CKAP5: variants seen among roughly 807,000 people sequenced by gnomAD.
CKAP5 encodes cytoskeleton-associated protein 5.
In CKAP5, 27 loss-of-function variants were observed where a neutral mutation model predicts 232.8. The ratio of observed to expected loss-of-function variants is 0.12; its 90% confidence interval spans 0.09 to 0.16. The LOEUF (loss-of-function observed/expected upper bound fraction) is 0.16. CKAP5 is among the 10% of genes least tolerant of loss of function. The pLI is 1.00. For missense variants in CKAP5, 1,838 were observed against 2,424.7 expected, an observed-to-expected ratio of 0.76 and a Z score of 5.08; for synonymous variants, 785 against 841.1, an observed-to-expected ratio of 0.93 and a Z score of 1.16.
chr11:46,757,950 CA>C (rs1267778687), intron 35 of CKAP5, among the ~76,000 whole-genome samples: 1 of 148,402 alleles, frequency 6.7e-6, no homozygotes, highest in African/African-American at 2.5e-5. Flanking sequence ...TATAGTGGTG[CA>C]ATCACAGCTC....
At chr11:46,791,098 G>T (rs1176059940) in intron 13 of CKAP5, among the ~76,000 whole-genome samples, 1 of 152,022 alleles carries the variant, frequency 6.6e-6, no homozygotes, top group Non-Finnish European at 1.5e-5. Flanking sequence ...ACCACCCATG[G>T]GGTAATCTGT....
chr11:46,773,764 C>T (rs778758627), intron 24 of CKAP5, among the ~76,000 whole-genome samples: 15 of 151,286 alleles, frequency 9.9e-5, no homozygotes, highest in Non-Finnish European at 1.9e-4. Flanking sequence ...GGCTGGTCTC[C>T]AACCCCTGAT....
At position 46,759,447 on chromosome 11, in the gene CKAP5, G is replaced by C. The variant is rs575568530; in HGVS notation, c.4395-5C>G. The C allele has an allele frequency of 7.7e-5, 124 of 1,609,520 alleles. 1 individual carries two copies. The South Asian group carries it at 1.3e-3, about 17-fold the overall frequency. ...CCACTCATGCTTCGGGCTTGGCTAA[G>C]GGAAGCAAAAGGAGGCTCCTGAACT... On this transcript the variant is annotated splice_polypyrimidine_tract_variant and splice_region_variant and intron_variant, in intron 33 of 43. Coordinates refer to ENST00000529230, the MANE Select transcript of CKAP5 (RefSeq NM_001008938.4).
rs761216712 is a variant in CKAP5 at position 46,755,071 on chromosome 11, A to T, written c.4690-4T>A. The T allele has an allele frequency of 3.1e-6, 5 of 1,588,084 alleles. No homozygotes were observed. Among genetic ancestry groups the T allele is most frequent in the East Asian group, 4.5e-5 (2 of 44,142 alleles). ...CCTGTCTCAGGACCTCATCGATCTGATAACAAAAATTTCAAGATATATTTT... is the reference window on the plus strand; with the variant it reads ...CCTGTCTCAGGACCTCATCGATCTGTTAACAAAAATTTCAAGATATATTTT... On this transcript the variant is annotated splice_region_variant and splice_polypyrimidine_tract_variant and intron_variant, in intron 35 of 43. Transcript: ENST00000529230.
chr11:46,790,614 C>A (rs1938697287), intron 13 of CKAP5, 31 bp from the exon 14 acceptor site: 1 of 1,446,638 alleles, frequency 6.9e-7, no homozygotes, highest in Non-Finnish European at 9.6e-7. Flanking sequence ...AAAAATTAAA[C>A]CACCTAAGGA....
At chr11:46,826,486 A>G (rs1939654698) in intron 1 of CKAP5, among the ~76,000 whole-genome samples, 1 of 152,154 alleles carries the variant, frequency 6.6e-6, no homozygotes, top group Non-Finnish European at 1.5e-5. Context: ...CTCTGGTAAA[A>G]GCAACCCTCT....
rs1488439763 is a variant in CKAP5, at chr11:46,801,052, T to C, written c.1083+148A>G. ...TACTGAAATTTCTAAGATATATCTA[T>C]GCTGAATATTAACAAAACAGAGAGA... On this transcript the variant is annotated intron_variant, in intron 9 of 43. Transcript: ENST00000529230. The C allele has an allele frequency of 9.5e-6, 5 of 525,176 alleles. No individual in the cohort carries two copies. In the East Asian group the frequency reaches 1.2e-4, roughly 13 times the overall value. 32.5% of individuals were successfully genotyped at this position (525,176 alleles called of 1,614,324 possible). A position where few individuals can be genotyped will look rare whatever the true frequency, so the allele number is the denominator to read the frequency against.
intron 38 of CKAP5, among the ~76,000 whole-genome samples, chr11:46,752,189 T>TAC (rs1167247937): frequency 5.6e-4 from 36 of 64,336 alleles, no homozygotes; most frequent in African/African-American, 1.2e-3. Flanking sequence ...TATATATATA[T>TAC]ATATACACAC....
chr11:46,763,780 G>A, intron 28 of CKAP5, 150 bp from the exon 29 acceptor site: 1 of 517,942 alleles, frequency 1.9e-6, no homozygotes, highest in Non-Finnish European at 3.1e-6. Flanking sequence ...ATTTCAAGGT[G>A]TCATACTTCT....
intron 1 of CKAP5, among the ~76,000 whole-genome samples, chr11:46,831,956 C>T (rs967691930): frequency 4.0e-5 from 6 of 150,970 alleles, no homozygotes; most frequent in Admixed American, 1.3e-4. Context: ...CCTCGACTTC[C>T]GGGGCTCTGG....
In CKAP5 at chr11:46,840,270, A is replaced by T. The variant is rs186621855; in HGVS notation, c.-38+5950T>A. Among the ~76,000 whole-genome samples the T allele has an allele frequency of 2.0e-5, 3 of 152,272 alleles. No individual in the cohort carries two copies. In the East Asian group the frequency reaches 5.8e-4, roughly 29 times the overall value. The stretch of plus-strand genomic sequence containing the variant: ...CCCCAGAGGGATTACAGAAACTATA[A>T]TTTGCTACAGTAAATTGTTTGACAG... On this transcript the variant is annotated intron_variant, in intron 1 of 43. Coordinates refer to ENST00000529230, the MANE Select transcript of CKAP5 (RefSeq NM_001008938.4).
At chr11:46,817,198 T>G (rs1393117130) in intron 3 of CKAP5, among the ~76,000 whole-genome samples, 1 of 151,706 alleles carries the variant, frequency 6.6e-6, no homozygotes, top group Non-Finnish European at 1.5e-5. Context: ...CACTGTGACC[T>G]CAAACTCCTG....
intron 17 of CKAP5, 48 bp from the exon 18 acceptor site, chr11:46,783,416 T>C (rs1851496761): frequency 2.6e-6 from 3 of 1,158,356 alleles, no homozygotes; most frequent in East Asian, 2.4e-5. Flanking sequence ...GTATTTCTTA[T>C]AGAAATACAG....
chr11:46,762,006 A>C lies in CKAP5; in HGVS notation c.4215T>G (p.Ile1405Met). ...GTTCAGAGAAGTCACTCACATTTCC[A>C]ATCAGTTTGAACACCTGATCCCCAT... is the stretch of plus-strand genomic sequence containing the variant. ...NVHGDQVFKL[I>M]GNLSEKDMSM... is the part of the protein sequence containing the mutation. Residue 1405 changes from isoleucine (I) to methionine (M), a missense_variant, in exon 32 of 44, where the codon ATT becomes ATG. Transcript: ENST00000529230. The C allele has an allele frequency of 1.2e-6, 2 of 1,608,524 alleles. No homozygotes were observed. The highest frequency in any genetic ancestry group is 1.7e-6 in the Non-Finnish European group (2 of 1,176,302).
At chr11:46,789,953 A>C (rs1443555929) in intron 15 of CKAP5, 123 bp downstream of exon 15, 3 of 595,190 alleles carry the variant, frequency 5.0e-6, no homozygotes, top group Non-Finnish European at 9.0e-6. Context: ...CTCATCTTTA[A>C]TGCCATAAAA....
At chr11:46,834,170 T>C (rs1447308652) in intron 1 of CKAP5, among the ~76,000 whole-genome samples, 1 of 152,066 alleles carries the variant, frequency 6.6e-6, no homozygotes, top group African/African-American at 2.4e-5. Context: ...CATTGAGAGA[T>C]TTTAGGTTGA....
chr11:46,781,795 G>T, intron 18 of CKAP5, among the ~76,000 whole-genome samples: 2 of 151,852 alleles, frequency 1.3e-5, no homozygotes, highest in African/African-American at 2.4e-5. Context: ...CCTTCATCCT[G>T]CTTTACATAA....
In CKAP5 at chr11:46,769,826, G is replaced by C. The variant is rs138740335; in HGVS notation, c.3322+137C>G. 7.8e-3 allele frequency: 7,399 copies of C among 945,082 alleles called. 34 individuals carry two copies. Among genetic ancestry groups the C allele is most frequent in the Non-Finnish European group, 9.5e-3 (5,892 of 622,630 alleles). 58.5% of individuals were successfully genotyped at this position (945,082 alleles called of 1,614,324 possible). On this transcript the variant is annotated intron_variant, in intron 26 of 43. Transcript: ENST00000529230. ...ACTACTTGACAAGTGTTTGTGAAAG[G>C]AAAGTAAGCAGAGAAGGAAGGAGAG...
rs545684679 is a variant in CKAP5, at chr11:46,763,441, A to C, written c.3687+40T>G. The stretch of plus-strand genomic sequence containing the variant: ...ATTTCATAGGGCTCGGTATTTTTAC[A>C]TGTCTGAAATACATGTATATTTATC... On this transcript the variant is annotated intron_variant, in intron 29 of 43. Transcript: ENST00000529230. 24 of 1,539,734 alleles carry C rather than the reference A, an allele frequency of 1.6e-5. No individual in the cohort carries two copies. The South Asian group carries it at 1.9e-4, about 12-fold the overall frequency.
Sources: gnomAD v4.1 joint callset for allele counts (sites outside exome capture counted in the v4.1 genomes callset) on GRCh38, gnomAD v4.1.1 for gene constraint, MANE v1.5 for transcripts, NCBI Gene and HGNC (gene_info 2026-07-23, HGNC 2026-07-21) for gene names.